Variants in LINGO2 observed in about 807,000 individuals in gnomAD.
The protein encoded by LINGO2 is leucine-rich repeat and immunoglobulin-like domain-containing nogo receptor-interacting protein 2.
A neutral mutation model predicts 30.6 loss-of-function variants in LINGO2; 14 were observed. That is an observed-to-expected ratio of 0.46 (90% CI 0.30 to 0.72). LINGO2 has a LOEUF of 0.72. LINGO2 is among the 30% of genes least tolerant of loss of function. The pLI, the probability that LINGO2 is intolerant of heterozygous loss-of-function variation, is 0.07. For missense variants in LINGO2, 729 were observed against 751.7 expected (o/e 0.97, Z 0.35); for synonymous variants, 317 against 288.5 (o/e 1.10, Z -1.00).
At chr9:28,231,487 T>G (rs940965473) in intron 4 of LINGO2, among the ~76,000 whole-genome samples, 2 of 152,080 alleles carry the variant, frequency 1.3e-5, no homozygotes, top group African/African-American at 2.4e-5. Flanking sequence ...AAAGGAAGTA[T>G]GAAAATCTAG....
chr9:29,140,594 G>T, the LINGO2 span, among the ~76,000 whole-genome samples: 1 of 148,382 alleles, frequency 6.7e-6, no homozygotes, highest in Non-Finnish European at 1.5e-5. Flanking sequence ...GAAGGGAAAG[G>T]GGAAGAAAAC....
At chr9:28,562,705 C>A (rs1374136581) in intron 1 of LINGO2, among the ~76,000 whole-genome samples, 1 of 152,006 alleles carries the variant, frequency 6.6e-6, no homozygotes, top group Non-Finnish European at 1.5e-5. Context: ...ACCTCACTCT[C>A]CCATTTTTCT....
chr9:28,140,804 A>G (rs1391927054), intron 4 of LINGO2, among the ~76,000 whole-genome samples: 4 of 152,160 alleles, frequency 2.6e-5, no homozygotes, highest in Admixed American at 6.5e-5. Context: ...CAAAGACAGG[A>G]TCATTCTTTT....
intron 1 of LINGO2, among the ~76,000 whole-genome samples, chr9:28,615,529 C>A (rs888817255): frequency 2.0e-5 from 3 of 152,040 alleles, no homozygotes; most frequent in Non-Finnish European, 4.4e-5. Context: ...AATGTTAAAT[C>A]ATTGAATCCG....
At chr9:28,213,465 G>A (rs1820662890) in intron 4 of LINGO2, among the ~76,000 whole-genome samples, 1 of 151,382 alleles carries the variant, frequency 6.6e-6, no homozygotes, top group Non-Finnish European at 1.5e-5. Context: ...AAATAAGCCA[G>A]CATGCCTTTC....
chr9:28,727,082 T>C, the LINGO2 span, among the ~76,000 whole-genome samples: 75 of 152,290 alleles, frequency 4.9e-4, no homozygotes, highest in Non-Finnish European at 4.9e-4. Context: ...CATGCAAATA[T>C]AAGAATGTTT....
intron 1 of LINGO2, among the ~76,000 whole-genome samples, chr9:28,506,774 T>C (rs1820157314): frequency 1.3e-5 from 2 of 151,622 alleles, no homozygotes; most frequent in African/African-American, 2.4e-5. Context: ...CCATAATTAT[T>C]GCCAGGTGTT....
intron 1 of LINGO2, among the ~76,000 whole-genome samples, chr9:28,550,318 G>T (rs1822207342): frequency 6.6e-6 from 1 of 151,078 alleles, no homozygotes; most frequent in Non-Finnish European, 1.5e-5. Flanking sequence ...CCTTTTTGTT[G>T]GTGCTGCATC....
chr9:28,743,146 T>C, the LINGO2 span, among the ~76,000 whole-genome samples: 4 of 151,996 alleles, frequency 2.6e-5, no homozygotes, highest in Non-Finnish European at 1.5e-5. Flanking sequence ...TTTCTATGAG[T>C]ATCTTCATTC....
chr9:29,109,810 A>G, the LINGO2 span, among the ~76,000 whole-genome samples: 1 of 152,202 alleles, frequency 6.6e-6, no homozygotes, highest in Non-Finnish European at 1.5e-5. Context: ...AGATGCTTGG[A>G]CATCCAAAAC....
chr9:29,104,193 C>A, the LINGO2 span, among the ~76,000 whole-genome samples: 1 of 152,102 alleles, frequency 6.6e-6, no homozygotes, highest in Non-Finnish European at 1.5e-5. Context: ...TATGGTTTGG[C>A]TCTGCATCCC....
intron 4 of LINGO2, among the ~76,000 whole-genome samples, chr9:28,143,278 TG>T (rs1827725529): frequency 6.6e-6 from 1 of 152,182 alleles, no homozygotes; most frequent in African/African-American, 2.4e-5. Flanking sequence ...TGAATAGTCC[TG>T]GAGAGTCAAA....
At chr9:29,059,070 T>C in the LINGO2 span, among the ~76,000 whole-genome samples, 1 of 151,914 alleles carries the variant, frequency 6.6e-6, no homozygotes, top group Non-Finnish European at 1.5e-5. Context: ...ATAGTATGGA[T>C]GAATCTAACA....
At chr9:27,948,712 T>G (rs1823466843) in exon 6 of LINGO2, 3 of 955,640 alleles carry the variant, frequency 3.1e-6, no homozygotes, top group Non-Finnish European at 4.8e-6. Flanking sequence ...CCATTGGAAG[T>G]CCTCCTGCTT....
chr9:29,187,090 G>A, the LINGO2 span, among the ~76,000 whole-genome samples: 1 of 152,132 alleles, frequency 6.6e-6, no homozygotes, highest in African/African-American at 2.4e-5. Flanking sequence ...CAAAATAGTA[G>A]AGCTAAAATC....
intron 1 of LINGO2, among the ~76,000 whole-genome samples, chr9:28,483,882 C>T (rs1826067886): frequency 2.0e-5 from 3 of 151,758 alleles, no homozygotes; most frequent in Admixed American, 2.0e-4. Flanking sequence ...GTTTTAAACA[C>T]ATTCTATTTC....
the LINGO2 span, among the ~76,000 whole-genome samples, chr9:28,697,083 A>G: frequency 6.6e-6 from 1 of 151,920 alleles, no homozygotes. Context: ...ATTCTTTGAA[A>G]ATTTTATGAA....
rs761565118 is a variant in LINGO2, at chr9:28,527,543, G to A, written c.-364-51518C>T. Among the ~76,000 whole-genome samples the A allele has an allele frequency of 2.0e-4, 30 of 152,018 alleles. No individual in the cohort carries two copies. The Middle Eastern group carries it at 0.01, about 52-fold the overall frequency. ...AGGTCCATCTTCATCAGGTACCCAGGGCATTTCTATTCTCTGTCTCTCTAA... is the reference window on the plus strand; with the variant it reads ...AGGTCCATCTTCATCAGGTACCCAGAGCATTTCTATTCTCTGTCTCTCTAA... On this transcript the variant is annotated intron_variant, in intron 1 of 5. Coordinates refer to ENST00000379992, the Ensembl canonical transcript of LINGO2.
At chr9:28,404,817 C>G (rs74544964) in intron 2 of LINGO2, among the ~76,000 whole-genome samples, 6,003 of 151,968 alleles carry the variant, frequency 0.04, 143 homozygotes, top group Middle Eastern at 0.054. Flanking sequence ...AAGTGAGCTG[C>G]AGTGACTTTT....
Sources: gnomAD v4.1 joint callset for allele counts (sites outside exome capture counted in the v4.1 genomes callset) on GRCh38, gnomAD v4.1.1 for gene constraint, MANE v1.5 for transcripts, NCBI Gene and HGNC (gene_info 2026-07-23, HGNC 2026-07-21) for gene names.